The following RGS7 variants were observed in gnomAD, a reference collection of about 807,000 sequenced individuals.
RGS7 encodes regulator of G protein signaling 7.
In RGS7, 27 loss-of-function variants were observed where a neutral mutation model predicts 81.1. The observed-to-expected ratio is 0.33, with a 90% confidence interval of 0.25 to 0.46. The LOEUF (loss-of-function observed/expected upper bound fraction) is 0.46. RGS7 is among the 20% of genes least tolerant of loss of function. The pLI is 1.00. For missense variants in RGS7, 396 were observed against 607.4 expected, an observed-to-expected ratio of 0.65 and a Z score of 3.66; for synonymous variants, 208 against 207.7, an observed-to-expected ratio of 1.00 and a Z score of -0.01.
intron 2 of RGS7, among the ~76,000 whole-genome samples, chr1:241,199,162 AT>A (rs1355309857): frequency 1.3e-5 from 2 of 152,090 alleles, no homozygotes; most frequent in Admixed American, 1.3e-4. Context: ...CAAACAAAGA[AT>A]AAAAAAAAAA....
At chr1:241,275,286 T>G (rs753008861) in intron 2 of RGS7, among the ~76,000 whole-genome samples, 20 of 152,248 alleles carry the variant, frequency 1.3e-4, no homozygotes, top group Middle Eastern at 3.4e-3. Flanking sequence ...CATGGTGGAG[T>G]ACCTACTAAT....
At chr1:240,947,297 A>G (rs967630541) in intron 4 of RGS7, among the ~76,000 whole-genome samples, 1 of 152,222 alleles carries the variant, frequency 6.6e-6, no homozygotes, top group African/African-American at 2.4e-5. Context: ...TAGAACACGT[A>G]TCTTCAGACT....
chr1:241,279,797 A>T (rs1016215002), intron 2 of RGS7, among the ~76,000 whole-genome samples: 6 of 152,224 alleles, frequency 3.9e-5, no homozygotes, highest in African/African-American at 1.4e-4. Context: ...TTTTACACAA[A>T]TATAGAATTA....
At chr1:241,159,962 G>T (rs1489086172) in intron 2 of RGS7, among the ~76,000 whole-genome samples, 1 of 151,800 alleles carries the variant, frequency 6.6e-6, no homozygotes, top group African/African-American at 2.4e-5. Context: ...TGGGCTTGAG[G>T]TTCTGCTTTA....
chr1:241,012,468 T>C (rs1353190282), intron 3 of RGS7, among the ~76,000 whole-genome samples: 1 of 152,024 alleles, frequency 6.6e-6, no homozygotes, highest in Non-Finnish European at 1.5e-5. Context: ...AACCAGGAAG[T>C]GTTCAGTTAT....
intron 9 of RGS7, among the ~76,000 whole-genome samples, chr1:240,864,225 T>C (rs1662799489): frequency 6.6e-6 from 1 of 152,170 alleles, no homozygotes; most frequent in Non-Finnish European, 1.5e-5. Context: ...CACATACTGA[T>C]ATAGAATAAA....
intron 6 of RGS7, among the ~76,000 whole-genome samples, chr1:240,905,056 T>C (rs1035539864): frequency 6.6e-6 from 1 of 151,970 alleles, no homozygotes; most frequent in Non-Finnish European, 1.5e-5. Flanking sequence ...CTTTGAAACT[T>C]ACAATGCACA....
At chr1:241,051,528 G>C (rs1209061705) in intron 3 of RGS7, among the ~76,000 whole-genome samples, 1 of 152,062 alleles carries the variant, frequency 6.6e-6, no homozygotes, top group Non-Finnish European at 1.5e-5. Flanking sequence ...TTTGGTCAAA[G>C]AATCTCTCTC....
At chr1:241,232,578 G>A (rs574801190) in intron 2 of RGS7, among the ~76,000 whole-genome samples, 16 of 151,546 alleles carry the variant, frequency 1.1e-4, no homozygotes, top group Admixed American at 9.2e-4. Context: ...AATGAGTGGT[G>A]TAAATCCGCT....
rs2074891909 is a variant in RGS7, at chr1:241,220,979, AAGGAAGGAAGGAAGG to A, written c.79-122232_79-122218del. ...GAAGGAAGGAAGGAAGGAAGGAAGGAAGGAAGGAAGGAAGGAAGAGAGAGAGAAAGGAAGGAAGGA... is the reference window on the plus strand; with the variant it reads ...GAAGGAAGGAAGGAAGGAAGGAAGGAAAGAGAGAGAGAAAGGAAGGAAGGA... On this transcript the variant is annotated intron_variant, in intron 2 of 18. Coordinates refer to ENST00000440928, the MANE Select transcript of RGS7 (RefSeq NM_001364886.1). Among the ~76,000 whole-genome samples the A allele has an allele frequency of 8.8e-5, 7 of 79,612 alleles. No individual in the cohort carries two copies. The South Asian group carries it at 1.9e-3, about 21-fold the overall frequency. 52.2% of individuals were successfully genotyped at this position (79,612 alleles called of 152,430 possible).
intron 3 of RGS7, among the ~76,000 whole-genome samples, chr1:241,081,899 GAGA>G (rs1558689010): frequency 1.3e-5 from 2 of 152,154 alleles, no homozygotes; most frequent in East Asian, 3.9e-4. Flanking sequence ...TGGTTGTACT[GAGA>G]AGAATTTCCC....
chr1:240,807,983 A>G (rs1358179878), intron 14 of RGS7, among the ~76,000 whole-genome samples: 1 of 150,724 alleles, frequency 6.6e-6, no homozygotes, highest in Non-Finnish European at 1.5e-5. Context: ...TGCAGTGAGC[A>G]GAGATCATGC....
chr1:241,233,606 C>A (rs999549984), intron 2 of RGS7, among the ~76,000 whole-genome samples: 1 of 152,140 alleles, frequency 6.6e-6, no homozygotes, highest in South Asian at 2.1e-4. Context: ...CCATTGTGTA[C>A]ATCTACCACA....
At chr1:240,778,564 C>G (rs1209390417) in intron 18 of RGS7, among the ~76,000 whole-genome samples, 1 of 152,192 alleles carries the variant, frequency 6.6e-6, no homozygotes, top group Non-Finnish European at 1.5e-5. Flanking sequence ...GACGGAGTCT[C>G]ACTCCGTCGT....
chr1:241,216,259 G>A (rs955952073), intron 2 of RGS7, among the ~76,000 whole-genome samples: 3 of 151,814 alleles, frequency 2.0e-5, no homozygotes, highest in Admixed American at 6.6e-5. Flanking sequence ...GTGACAAAGC[G>A]AGACCCTGTC....
chr1:241,039,929 T>C (rs575181100), intron 3 of RGS7, among the ~76,000 whole-genome samples: 1 of 152,356 alleles, frequency 6.6e-6, no homozygotes, highest in African/African-American at 2.4e-5. Flanking sequence ...TCAGGGACTT[T>C]GCTGTTAGAG....
chr1:241,317,104 C>T lies in RGS7; in HGVS notation c.78+38595G>A, dbSNP rs999954897. The stretch of plus-strand genomic sequence containing the variant: ...GTAAATACAAACAAAAGTATTTGCA[C>T]GTTTGGAAGCTGATTTCAAGCTTCC... On this transcript the variant is annotated intron_variant, in intron 2 of 18. Coordinates refer to ENST00000440928, the MANE Select transcript of RGS7 (RefSeq NM_001364886.1). Among the ~76,000 whole-genome samples, 6 of 152,040 alleles carry T rather than the reference C, an allele frequency of 3.9e-5. No individual in the cohort carries two copies. The East Asian group carries it at 7.7e-4, about 20-fold the overall frequency.
At chr1:241,279,763 T>C (rs2078402905) in intron 2 of RGS7, among the ~76,000 whole-genome samples, 2 of 152,212 alleles carry the variant, frequency 1.3e-5, no homozygotes, top group Admixed American at 6.5e-5. Context: ...GCTTTCTGTT[T>C]CTATAATTTT....
chr1:240,795,292 C>G (rs1686846301), intron 18 of RGS7, among the ~76,000 whole-genome samples: 1 of 152,076 alleles, frequency 6.6e-6, no homozygotes, highest in Non-Finnish European at 1.5e-5. Context: ...TCAACAGTGT[C>G]TTAAAAAAAA....
Sources: gnomAD v4.1 joint callset for allele counts (sites outside exome capture counted in the v4.1 genomes callset) on GRCh38, gnomAD v4.1.1 for gene constraint, MANE v1.5 for transcripts, NCBI Gene and HGNC (gene_info 2026-07-23, HGNC 2026-07-21) for gene names.